Variants in TESPA1 observed in about 807,000 individuals in gnomAD.
The protein encoded by TESPA1 is thymocyte expressed, positive selection associated 1, also known as protein TESPA1.
Under a neutral mutation model 57.9 loss-of-function variants are expected in TESPA1, and 33 were observed. The observed-to-expected ratio is 0.57, with a 90% CI of 0.43 to 0.76. The LOEUF (loss-of-function observed/expected upper bound fraction) is 0.76. Among genes scored for constraint, TESPA1 ranks in the 30% least tolerant of loss-of-function variants. The probability of loss-of-function intolerance (pLI) is 0.00; values close to 1 mark genes in which losing one functional copy is unlikely to be tolerated. For missense variants in TESPA1, 618 were observed against 632.9 expected, an observed-to-expected ratio of 0.98 and a Z score of 0.25; for synonymous variants, 227 against 228.9, an observed-to-expected ratio of 0.99 and a Z score of 0.07.
At chr12:54,962,304 A>C in intron 9 of TESPA1, 127 bp downstream of exon 9, 2 of 1,101,250 alleles carry the variant, frequency 1.8e-6, no homozygotes, top group Non-Finnish European at 2.6e-6. Flanking sequence ...GAAATCAGAA[A>C]GTGGTATATC....
chr12:54,966,357 A>T, intron 6 of TESPA1, 31 bp downstream of exon 6: 4 of 1,613,876 alleles, frequency 2.5e-6, no homozygotes, highest in Non-Finnish European at 3.4e-6. Context: ...TAAAGGAGAC[A>T]TCATTCACCC....
rs764554505 is a variant in TESPA1, at chr12:54,962,473, C to T, written c.1425G>A (p.Arg475=). Residue 475 remains arginine (R), a synonymous_variant, in exon 9 of 11, where the codon CGG becomes CGA. Coordinates refer to ENST00000449076, the MANE Select transcript of TESPA1 (RefSeq NM_001136030.3). ...TGTCCTGTGGCTGCTGGCTTAAAGA[C>T]CGACGCAGTTCTGGTCTGTCTACAC... The part of the protein sequence containing the change: ...KQSVDRPELR[R]SLSQQPQDTF... The T allele has an allele frequency of 2.5e-6, 4 of 1,612,654 alleles. No homozygotes were observed. Among genetic ancestry groups the T allele is most frequent in the Non-Finnish European group, 3.4e-6 (4 of 1,179,844 alleles).
chr12:54,962,202 A>C (rs1388487528), intron 9 of TESPA1, among the ~76,000 whole-genome samples: 1 of 152,230 alleles, frequency 6.6e-6, no homozygotes, highest in African/African-American at 2.4e-5. Flanking sequence ...AATGGCAATC[A>C]GATCAGGTAT....
chr12:54,983,940 G>T (rs958610741), intron 1 of TESPA1: 1 of 152,196 alleles, frequency 6.6e-6, no homozygotes, highest in Non-Finnish European at 1.5e-5. Context: ...CTGAAATCTG[G>T]TCCTGATGGT....
chr12:54,963,997 TGGTAA>T, intron 7 of TESPA1, 47 bp from the exon 8 acceptor site: 1 of 1,559,112 alleles, frequency 6.4e-7, no homozygotes, highest in Non-Finnish European at 8.8e-7. Flanking sequence ...TTGAGACACA[TGGTAA>T]TTCAGAATAT....
chr12:54,955,224 T>C (rs1200798212), intron 10 of TESPA1, among the ~76,000 whole-genome samples: 3 of 152,238 alleles, frequency 2.0e-5, no homozygotes, highest in African/African-American at 7.2e-5. Flanking sequence ...CACTTGTATG[T>C]CTTCTTTCAA....
intron 10 of TESPA1, 79 bp downstream of exon 10, chr12:54,961,089 G>T: frequency 6.7e-7 from 1 of 1,500,144 alleles, no homozygotes; most frequent in Non-Finnish European, 9.1e-7. Flanking sequence ...TTTATTATGG[G>T]TTTAAAAAAA....
intron 5 of TESPA1, 103 bp downstream of exon 5, chr12:54,967,080 A>G (rs1951487960): frequency 7.6e-7 from 1 of 1,312,120 alleles, no homozygotes; most frequent in East Asian, 2.4e-5. Context: ...GACCCCAGGG[A>G]TGGGCTGTTT....
intron 1 of TESPA1, among the ~76,000 whole-genome samples, chr12:54,982,713 T>C (rs1397923435): frequency 6.6e-6 from 1 of 152,242 alleles, no homozygotes; most frequent in East Asian, 1.9e-4. Flanking sequence ...CAAGAGAAAG[T>C]AGGGAGAATG....
At position 54,974,431 on chromosome 12, in the gene TESPA1, C is replaced by A. The variant is rs1455391162; in HGVS notation, c.132G>T (p.Glu44Asp). 1 of 1,609,906 alleles carries A rather than the reference C, an allele frequency of 6.2e-7. No homozygotes were observed. Among genetic ancestry groups the A allele is most frequent in the Non-Finnish European group, 8.5e-7 (1 of 1,178,138 alleles). The change falls in exon 2 of 11, where the codon GAG (glutamate) becomes GAT (aspartate). Residue 44 changes from glutamate to aspartate, a missense_variant. Transcript: ENST00000449076. ...AAALQDVPDP[E>D]PSSLDDVFQE... ...GGAAAACGTCATCCAGGCTGGAAGG[C>A]TCAGGATCTGGGACATCCTGCAGGG...
At chr12:54,977,162 C>CA (rs1235223078) in intron 1 of TESPA1, among the ~76,000 whole-genome samples, 1 of 152,016 alleles carries the variant, frequency 6.6e-6, no homozygotes, top group East Asian at 1.9e-4. Context: ...ATACAAGCTC[C>CA]ACGAGGACAG....
At chr12:54,954,181 C>T (rs1415415735) in intron 10 of TESPA1, among the ~76,000 whole-genome samples, 1 of 152,182 alleles carries the variant, frequency 6.6e-6, no homozygotes, top group Non-Finnish European at 1.5e-5. Flanking sequence ...TCTGCTCAAT[C>T]AGGGCCATAT....
intron 5 of TESPA1, among the ~76,000 whole-genome samples, chr12:54,966,680 G>A (rs936687898): frequency 4.0e-5 from 6 of 151,284 alleles, no homozygotes. Context: ...TTAGGCAAGA[G>A]CCCCTCTGTC....
intron 3 of TESPA1, among the ~76,000 whole-genome samples, chr12:54,970,494 A>G (rs1442662874): frequency 6.6e-6 from 1 of 152,128 alleles, no homozygotes; most frequent in Non-Finnish European, 1.5e-5. Flanking sequence ...TCTCTTTATG[A>G]GGAATAGCCA....
intron 3 of TESPA1, among the ~76,000 whole-genome samples, chr12:54,968,859 G>A (rs1160679994): frequency 3.3e-5 from 5 of 151,822 alleles, no homozygotes; most frequent in African/African-American, 9.7e-5. Flanking sequence ...GGTCCTAAAG[G>A]AGCTTTTCTC....
chr12:54,982,062 C>T (rs1952341845), intron 1 of TESPA1: 1 of 152,234 alleles, frequency 6.6e-6, no homozygotes, highest in Non-Finnish European at 1.5e-5. Flanking sequence ...ACATCATTAC[C>T]ATCGCAGAGC....
chr12:54,964,855 T>C (rs769888958), intron 7 of TESPA1, among the ~76,000 whole-genome samples: 1 of 152,194 alleles, frequency 6.6e-6, no homozygotes. Flanking sequence ...CATGGCTACA[T>C]GTTAGGGTCA....
intron 1 of TESPA1, among the ~76,000 whole-genome samples, chr12:54,976,715 T>C (rs1241532694): frequency 1.3e-5 from 2 of 152,146 alleles, no homozygotes; most frequent in Non-Finnish European, 2.9e-5. Context: ...CTTCTGGATG[T>C]GCTATTTTAT....
At position 54,974,417 on chromosome 12, in the gene TESPA1, T is replaced by C. The variant is rs972300197; in HGVS notation, c.146A>G (p.Asp49Gly). 1 of 1,607,346 alleles carries C rather than the reference T, an allele frequency of 6.2e-7. No individual in the cohort carries two copies. The highest frequency in any genetic ancestry group is 8.5e-7 in the Non-Finnish European group (1 of 1,177,154). ...TCTCTTACCTTCTTGGAAAACGTCA[T>C]CCAGGCTGGAAGGCTCAGGATCTGG... Reference protein sequence around the residue: ...DVPDPEPSSLDDVFQEGNPIN... With the variant: ...DVPDPEPSSLGDVFQEGNPIN... The change falls in exon 2 of 11, where the codon GAT (aspartate) becomes GGT (glycine). Residue 49 changes from aspartate to glycine, a missense_variant. Transcript: ENST00000449076.
Sources: allele counts gnomAD v4.1 joint callset (sites outside exome capture counted in the v4.1 genomes callset), GRCh38; gene constraint gnomAD v4.1.1; transcripts MANE v1.5; gene names NCBI Gene and HGNC (gene_info 2026-07-23, HGNC 2026-07-21).